FCHO2: variants seen among roughly 807,000 people sequenced by gnomAD.
FCHO2 encodes the protein FCH and mu domain containing endocytic adaptor 2.
In FCHO2, 43 loss-of-function variants were observed where a neutral mutation model predicts 114.1. That is an observed-to-expected ratio of 0.38 (90% CI 0.30 to 0.49). FCHO2 has a LOEUF of 0.49. FCHO2 is among the 20% of genes least tolerant of loss of function. The probability of loss-of-function intolerance (pLI) is 0.97; values close to 1 mark genes in which losing one functional copy is unlikely to be tolerated. For synonymous variants in FCHO2, 293 were observed against 315.2 expected (o/e 0.93, Z 0.75); for missense variants, 807 against 950.4 (o/e 0.85, Z 1.98).
Position 73,056,077 on chromosome 5 carries a change from C to T in FCHO2, c.1223C>T (p.Thr408Ile), listed in dbSNP as rs1191520529. 1.3e-6 allele frequency: 2 copies of T among 1,522,358 alleles called. No individual in the cohort carries two copies. The highest frequency in any genetic ancestry group is 1.8e-6 in the Non-Finnish European group (2 of 1,135,270). 94.3% of individuals were successfully genotyped at this position (1,522,358 alleles called of 1,614,324 possible). Residue 408 changes from threonine (T) to isoleucine (I), a missense_variant, in exon 16 of 26, where the codon ACA (threonine) becomes ATA (isoleucine). Physicochemically the swap from Thr to Ile is moderately conservative, Grantham distance 89. Transcript: ENST00000430046. ...MNRNLSNEELTKSKPSAPPNE... is the reference protein window; with the variant it reads ...MNRNLSNEELIKSKPSAPPNE... ...ATTTTTTAATTAGATGAGGAGTTAA[C>T]AAAATCAAAGCCATCTGCTCCACCC...
At chr5:72,985,428 C>T (rs1348671229) in intron 2 of FCHO2, among the ~76,000 whole-genome samples, 2 of 152,102 alleles carry the variant, frequency 1.3e-5, no homozygotes, top group Non-Finnish European at 2.9e-5. Flanking sequence ...TCCCAAAGTG[C>T]TGGGATTACA....
intron 2 of FCHO2, among the ~76,000 whole-genome samples, chr5:72,978,238 G>C (rs1427474550): frequency 6.6e-6 from 1 of 152,206 alleles, no homozygotes; most frequent in Non-Finnish European, 1.5e-5. Context: ...TCCTATGCAT[G>C]AGCATGGAAT....
Position 73,017,194 on chromosome 5 carries a change from T to C in FCHO2, c.700-18T>C, listed in dbSNP as rs1755349151. 2 of 1,372,602 alleles carry C rather than the reference T, an allele frequency of 1.5e-6. No individual in the cohort carries two copies. The highest frequency in any genetic ancestry group is 2.0e-6 in the Non-Finnish European group (2 of 1,018,380). 85.0% of individuals were successfully genotyped at this position (1,372,602 alleles called of 1,614,324 possible). A position where few individuals can be genotyped will look rare whatever the true frequency, so the allele number is the denominator to read the frequency against. Reference sequence around the variant, plus strand: ...GAATGTGGAAAAAGAAAAAGTTATCTTTATTTCATTTTAATAGGTCCATGA... The same window carrying C: ...GAATGTGGAAAAAGAAAAAGTTATCCTTATTTCATTTTAATAGGTCCATGA... On this transcript the variant is annotated intron_variant, in intron 7 of 25. Transcript: ENST00000430046.
intron 10 of FCHO2, among the ~76,000 whole-genome samples, chr5:73,038,941 A>G (rs563988343): frequency 4.8e-4 from 73 of 152,300 alleles, no homozygotes; most frequent in Non-Finnish European, 8.7e-4. Flanking sequence ...AATTATTTTT[A>G]TAATGTATAG....
chr5:72,999,094 A>T (rs570935394), intron 5 of FCHO2, among the ~76,000 whole-genome samples: 2 of 152,014 alleles, frequency 1.3e-5, no homozygotes, highest in African/African-American at 4.8e-5. Flanking sequence ...CTTCACAGGG[A>T]TGGACTTCAG....
At chr5:73,022,058 G>A (rs1410405900) in intron 8 of FCHO2, among the ~76,000 whole-genome samples, 2 of 152,166 alleles carry the variant, frequency 1.3e-5, no homozygotes, top group African/African-American at 4.8e-5. Flanking sequence ...TCAGTTCTGG[G>A]ATTTTTGATC....
intron 24 of FCHO2, among the ~76,000 whole-genome samples, chr5:73,087,066 T>C (rs970093717): frequency 6.6e-6 from 1 of 152,134 alleles, no homozygotes; most frequent in Admixed American, 6.6e-5. Flanking sequence ...GTATACTGAA[T>C]AAATGGTGAT....
At chr5:72,968,649 A>G in intron 2 of FCHO2, 60 bp downstream of exon 2, 1 of 1,189,080 alleles carries the variant, frequency 8.4e-7, no homozygotes, top group East Asian at 2.8e-5. Flanking sequence ...AAATTTTAGA[A>G]TATAAATAAT....
intron 2 of FCHO2, among the ~76,000 whole-genome samples, chr5:72,984,642 TTAAGG>T (rs1316340738): frequency 6.6e-6 from 1 of 152,166 alleles, no homozygotes; most frequent in African/African-American, 2.4e-5. Context: ...TATCCACACT[TTAAGG>T]TTTGTTGCAA....
At position 73,004,013 on chromosome 5, in the gene FCHO2, A is replaced by G. The variant is rs552691963; in HGVS notation, c.496-2432A>G. On this transcript the variant is annotated intron_variant, in intron 5 of 25. Transcript: ENST00000430046. ...CAGTGAGCCAAGATTGCACCATTGC[A>G]CTCCAGCCTGGGCCACAGAGTGAGA... Among the ~76,000 whole-genome samples, 4 of 139,052 alleles carry G rather than the reference A, an allele frequency of 2.9e-5. No individual in the cohort carries two copies. In the Admixed American group the frequency reaches 3.3e-4, roughly 12 times the overall value. The allele number at this position is 139,052 out of a possible 152,430, so 91.2% of individuals were successfully genotyped here. A position where few individuals can be genotyped will look rare whatever the true frequency, so the allele number is the denominator to read the frequency against.
chr5:73,044,649 A>G lies in FCHO2; in HGVS notation c.939+3334A>G, dbSNP rs1281230999. ...AACTGCATCTTTTGAAAGTTGGCCA[A>G]GGAAGTGTAATTGCTCTTTTTTTCT... On this transcript the variant is annotated intron_variant, in intron 11 of 25. Coordinates refer to ENST00000430046, the MANE Select transcript of FCHO2 (RefSeq NM_138782.3). 2.0e-5 allele frequency among the ~76,000 whole-genome samples: 3 copies of G among 152,236 alleles called. 1 individual carries two copies. In the South Asian group the frequency reaches 6.2e-4, roughly 32 times the overall value.
intron 2 of FCHO2, among the ~76,000 whole-genome samples, chr5:72,979,384 T>C (rs1753059877): frequency 6.6e-5 from 7 of 106,582 alleles, no homozygotes; most frequent in South Asian, 3.5e-4. Context: ...ATTTCTTTTT[T>C]TTTTTTTTTT....
chr5:73,006,688 A>G, intron 6 of FCHO2, 139 bp downstream of exon 6: 1 of 583,172 alleles, frequency 1.7e-6, no homozygotes, highest in Non-Finnish European at 2.8e-6. Flanking sequence ...TGTTTTAAAA[A>G]TACATGTCGC....
intron 22 of FCHO2, 69 bp downstream of exon 22, chr5:73,078,381 A>G (rs976363061): frequency 3.9e-5 from 53 of 1,364,116 alleles, no homozygotes; most frequent in Admixed American, 1.0e-4. Context: ...ATATAAATGA[A>G]TAAGTATGTC....
chr5:72,986,655 A>G (rs1431101401), intron 2 of FCHO2, among the ~76,000 whole-genome samples: 1 of 152,182 alleles, frequency 6.6e-6, no homozygotes, highest in Non-Finnish European at 1.5e-5. Flanking sequence ...CTTATTCACT[A>G]TTACAGGTTA....
chr5:73,001,302 C>T (rs1580079203), intron 5 of FCHO2, among the ~76,000 whole-genome samples: 1 of 151,940 alleles, frequency 6.6e-6, no homozygotes, highest in Non-Finnish European at 1.5e-5. Flanking sequence ...CCTACAACAG[C>T]AAGACTGGTG....
intron 16 of FCHO2, among the ~76,000 whole-genome samples, chr5:73,058,184 T>A (rs934815843): frequency 5.9e-5 from 9 of 151,806 alleles, no homozygotes; most frequent in East Asian, 1.9e-4. Flanking sequence ...TTTAAAAAAA[T>A]TTTTTTGTGT....
Position 72,990,709 on chromosome 5 carries a change from C to T in FCHO2, c.343-3C>T, listed in dbSNP as rs1314305751. 1.3e-6 allele frequency: 2 copies of T among 1,553,086 alleles called. No homozygotes were observed. The highest frequency in any genetic ancestry group is 1.7e-6 in the Non-Finnish European group (2 of 1,149,694). On this transcript the variant is annotated splice_polypyrimidine_tract_variant and splice_region_variant and intron_variant, in intron 4 of 25. Transcript: ENST00000430046. Reference sequence around the variant, plus strand: ...TTTTGATGGATCATTTCATACTAAACAGACTAAAGAAGAAGTTGCAGGAAC... The same window carrying T: ...TTTTGATGGATCATTTCATACTAAATAGACTAAAGAAGAAGTTGCAGGAAC...
intron 5 of FCHO2, among the ~76,000 whole-genome samples, chr5:72,992,251 T>G (rs1010790778): frequency 2.6e-5 from 4 of 152,182 alleles, no homozygotes; most frequent in African/African-American, 9.6e-5. Flanking sequence ...ATTGTGTTTG[T>G]ATAATAAATA....
Sources: gnomAD v4.1 joint callset for allele counts (sites outside exome capture counted in the v4.1 genomes callset) on GRCh38, gnomAD v4.1.1 for gene constraint, MANE v1.5 for transcripts, NCBI Gene and HGNC (gene_info 2026-07-23, HGNC 2026-07-21) for gene names.